CFAP251: variants seen among roughly 807,000 people sequenced by gnomAD.
CFAP251 encodes the protein cilia- and flagella-associated protein 251.
CFAP251 carries 93 observed loss-of-function variants against 126.7 expected under a neutral mutation model. The observed-to-expected ratio is 0.73, with a 90% CI of 0.62 to 0.87. The LOEUF (loss-of-function observed/expected upper bound fraction) is 0.87. CFAP251 is among the 40% of genes least tolerant of loss of function. The pLI is 0.00. For missense variants in CFAP251, 1,287 were observed against 1,389.2 expected (o/e 0.93, Z 1.17); for synonymous variants, 503 against 506.9 (o/e 0.99, Z 0.10).
intron 17 of CFAP251, among the ~76,000 whole-genome samples, chr12:121,971,234 G>T (rs1359657205): frequency 6.6e-6 from 1 of 152,234 alleles, no homozygotes; most frequent in Non-Finnish European, 1.5e-5. Context: ...CTCTCAGCTG[G>T]ACACTTGCCT....
chr12:122,001,055 CTTTTTTTTTT>C (rs1177422104), intron 20 of CFAP251, among the ~76,000 whole-genome samples: 1 of 117,414 alleles, frequency 8.5e-6, no homozygotes, highest in African/African-American at 3.0e-5. Context: ...GTTTTTGTTG[CTTTTTTTTTT>C]TTTTTTTTTG....
chr12:122,000,216 G>T lies in CFAP251; in HGVS notation c.3235+272G>T, dbSNP rs530478441. ...CTCGGCATCCTCACTTGTAAAATGG[G>T]AATAAAAATGCCAGCTGATCCATCT... is the stretch of plus-strand genomic sequence containing the variant. On this transcript the variant is annotated intron_variant, in intron 20 of 21. Transcript: ENST00000288912. 1.6e-3 allele frequency among the ~76,000 whole-genome samples: 245 copies of T among 152,312 alleles called. 2 individuals are homozygous for T. Among genetic ancestry groups the T allele is most frequent in the African/African-American group, 5.8e-3 (241 of 41,576 alleles).
Position 121,975,666 on chromosome 12 carries a change from T to C in CFAP251, c.2987T>C (p.Phe996Ser). 6.3e-6 allele frequency: 10 copies of C among 1,586,526 alleles called. No individual in the cohort carries two copies. The highest frequency in any genetic ancestry group is 8.5e-6 in the Non-Finnish European group (10 of 1,170,956). ...ELPFVMRAIGFYPSEEKIDDI... is the reference protein window; with the variant it reads ...ELPFVMRAIGSYPSEEKIDDI... ...CCTTTTGTCATGAGAGCAATTGGCT[T>C]TTACCCATCTGAAGAGAAGGTAGGG... is the stretch of plus-strand genomic sequence containing the variant. The change falls in exon 19 of 22, where the codon TTT becomes TCT. Residue 996 changes from phenylalanine to serine, a missense_variant. Physicochemically the swap from Phe to Ser is radical, Grantham distance 155 (BLOSUM62 -2). Coordinates refer to ENST00000288912, the MANE Select transcript of CFAP251 (RefSeq NM_144668.6).
chr12:121,983,686 C>T (rs891105022), intron 19 of CFAP251, among the ~76,000 whole-genome samples: 1 of 151,914 alleles, frequency 6.6e-6, no homozygotes, highest in African/African-American at 2.4e-5. Flanking sequence ...GTTTCGGTGC[C>T]GCACTCAGTG....
At chr12:121,958,816 T>G (rs1881826142) in intron 12 of CFAP251, 127 bp from the exon 13 acceptor site, 1 of 1,225,344 alleles carries the variant, frequency 8.2e-7, no homozygotes, top group African/African-American at 1.5e-5. Context: ...TCGGTTCATT[T>G]CTCCGCACGG....
chr12:121,937,903 T>C (rs1880954202), intron 5 of CFAP251, among the ~76,000 whole-genome samples: 1 of 152,236 alleles, frequency 6.6e-6, no homozygotes, highest in African/African-American at 2.4e-5. Flanking sequence ...GCATCGTGCT[T>C]GAAGGTTCAT....
chr12:121,928,772 C>A (rs762843439), intron 3 of CFAP251, among the ~76,000 whole-genome samples: 153 of 150,840 alleles, frequency 1.0e-3, no homozygotes, highest in Non-Finnish European at 1.7e-3. Context: ...TCTCGGCTCA[C>A]AGCAACCTCC....
intron 15 of CFAP251, among the ~76,000 whole-genome samples, chr12:121,966,151 C>CCCCTCCCCCCCCCTCCCCTT (rs1565916171): frequency 8.3e-5 from 1 of 12,092 alleles, no homozygotes; most frequent in Non-Finnish European, 2.5e-4. Context: ...TCCCTTCCCT[C>CCCCTCCCCCCCCCTCCCCTT]CCCTCCCCTC....
intron 14 of CFAP251, 25 bp downstream of exon 14, chr12:121,960,783 C>T: frequency 6.2e-7 from 1 of 1,610,604 alleles, no homozygotes; most frequent in Non-Finnish European, 8.5e-7. Context: ...TTTCGTTGAC[C>T]TGGTCGCCAA....
intron 19 of CFAP251, among the ~76,000 whole-genome samples, chr12:121,986,686 G>A (rs183325256): frequency 6.8e-4 from 103 of 150,778 alleles, no homozygotes; most frequent in African/African-American, 2.3e-3. Context: ...GATCACATGA[G>A]CCCAGAGGTC....
intron 6 of CFAP251, 70 bp from the exon 7 acceptor site, chr12:121,942,825 C>G (rs936671689): frequency 6.4e-6 from 10 of 1,551,730 alleles, no homozygotes; most frequent in Non-Finnish European, 8.0e-6. Context: ...GGGGTCACCA[C>G]AAGAGGTGTA....
rs371760854 is a variant in CFAP251 at position 121,954,206 on chromosome 12, G to A, written c.1407G>A (p.Lys469=). ...TQILSATMEG[K]LVVWDIHRPP... Reference sequence around the variant, plus strand: ...TACTCTCAGCCACAATGGAAGGGAAGCTGGTTGTCTGGGACATACACCGCC... The same window carrying A: ...TACTCTCAGCCACAATGGAAGGGAAACTGGTTGTCTGGGACATACACCGCC... The change falls in exon 10 of 22, where the codon AAG becomes AAA. Residue 469 remains lysine, a synonymous_variant. Coordinates refer to ENST00000288912, the MANE Select transcript of CFAP251 (RefSeq NM_144668.6). The A allele has an allele frequency of 3.3e-5, 54 of 1,614,048 alleles. No individual in the cohort carries two copies. Among genetic ancestry groups the A allele is most frequent in the Non-Finnish European group, 4.0e-5 (47 of 1,180,038 alleles).
intron 5 of CFAP251, among the ~76,000 whole-genome samples, 193 bp from the exon 6 acceptor site, chr12:121,942,341 C>T (rs963258729): frequency 2.6e-5 from 4 of 152,134 alleles, no homozygotes; most frequent in Non-Finnish European, 5.9e-5. Flanking sequence ...AGCATCGCTT[C>T]CGACGCTCAT....
chr12:121,981,976 T>G (rs574282566), intron 19 of CFAP251, among the ~76,000 whole-genome samples: 138 of 152,290 alleles, frequency 9.1e-4, no homozygotes, highest in African/African-American at 3.3e-3. Flanking sequence ...ACGGCACACG[T>G]TAAATGTTTA....
intron 2 of CFAP251, 107 bp downstream of exon 2, chr12:121,921,790 T>C: frequency 1.9e-6 from 2 of 1,027,564 alleles, no homozygotes; most frequent in Non-Finnish European, 2.6e-6. Context: ...TACAATCCAT[T>C]CCTTTTTTTT....
chr12:121,930,886 G>A (rs1880657613), intron 3 of CFAP251, among the ~76,000 whole-genome samples: 1 of 151,452 alleles, frequency 6.6e-6, no homozygotes, highest in East Asian at 2.0e-4. Context: ...GTAGCTGGGA[G>A]TAAAGGTGCG....
intron 19 of CFAP251, among the ~76,000 whole-genome samples, chr12:121,987,073 A>G (rs993620879): frequency 1.3e-5 from 2 of 152,236 alleles, no homozygotes; most frequent in African/African-American, 4.8e-5. Flanking sequence ...AGCCTCACCC[A>G]TAACGAGGGG....
chr12:121,973,902 A>C (rs1319073674), intron 17 of CFAP251, among the ~76,000 whole-genome samples: 1 of 152,176 alleles, frequency 6.6e-6, no homozygotes, highest in Non-Finnish European at 1.5e-5. Flanking sequence ...TTTTGAGTTA[A>C]TGTGAAATGA....
chr12:121,971,447 C>T (rs1882325173), intron 17 of CFAP251: 4 of 683,748 alleles, frequency 5.9e-6, no homozygotes, highest in East Asian at 5.4e-5. Flanking sequence ...TAGGAGTGTG[C>T]TGATACCCAT....
Sources: gnomAD v4.1 joint callset for allele counts (sites outside exome capture counted in the v4.1 genomes callset) on GRCh38, gnomAD v4.1.1 for gene constraint, MANE v1.5 for transcripts, NCBI Gene and HGNC (gene_info 2026-07-23, HGNC 2026-07-21) for gene names.